Variants in CNTNAP2 observed in about 807,000 individuals in gnomAD.
CNTNAP2 encodes contactin-associated protein-like 2.
A neutral mutation model predicts 155.2 loss-of-function variants in CNTNAP2; 98 were observed. The observed-to-expected ratio is 0.63, with a 90% CI of 0.54 to 0.75. The LOEUF is 0.75. CNTNAP2 is among the 30% of genes least tolerant of loss of function. The pLI, the probability that CNTNAP2 is intolerant of heterozygous loss-of-function variation, is 0.00. For synonymous variants in CNTNAP2, 651 were observed against 631.2 expected (o/e 1.03, Z -0.47); for missense variants, 1,727 against 1,688.1 (o/e 1.02, Z -0.40).
chr7:147,800,838 A>G (rs917022071), intron 13 of CNTNAP2, among the ~76,000 whole-genome samples: 1 of 152,196 alleles, frequency 6.6e-6, no homozygotes, highest in African/African-American at 2.4e-5. Flanking sequence ...GTTTAGATAT[A>G]CACATAGTTA....
At chr7:148,402,438 G>A (rs1360621529) in intron 22 of CNTNAP2, among the ~76,000 whole-genome samples, 1 of 152,164 alleles carries the variant, frequency 6.6e-6, no homozygotes, top group African/African-American at 2.4e-5. Context: ...TAGAGAAATC[G>A]CTCCCTCCCA....
At chr7:147,217,906 A>C (rs189824130) in intron 8 of CNTNAP2, among the ~76,000 whole-genome samples, 1 of 152,058 alleles carries the variant, frequency 6.6e-6, no homozygotes, top group Non-Finnish European at 1.5e-5. Context: ...GGTTAATTTC[A>C]TCTAGGTTAT....
chr7:146,320,029 T>C (rs917148302), intron 1 of CNTNAP2, among the ~76,000 whole-genome samples: 3 of 151,032 alleles, frequency 2.0e-5, no homozygotes, highest in Non-Finnish European at 4.4e-5. Flanking sequence ...CAAAAATAAT[T>C]AAAACTCCAT....
intron 8 of CNTNAP2, among the ~76,000 whole-genome samples, chr7:147,266,503 C>T (rs1280953759): frequency 6.6e-6 from 1 of 152,196 alleles, no homozygotes; most frequent in East Asian, 1.9e-4. Context: ...GCTTCTGGTG[C>T]TCTGAGTATC....
rs184807455 is a variant in CNTNAP2 at position 146,559,438 on chromosome 7, T to C, written c.98-214833T>C. On this transcript the variant is annotated intron_variant, in intron 1 of 23. Coordinates refer to ENST00000361727, the MANE Select transcript of CNTNAP2 (RefSeq NM_014141.6). ...TAAAAATTAACTGGGTGTGTTGGCG[T>C]GTGGCTGTAGTCCCAGCTACTCGGG... 2.0e-5 allele frequency among the ~76,000 whole-genome samples: 3 copies of C among 151,976 alleles called. No individual in the cohort carries two copies. The East Asian group carries it at 5.8e-4, about 30-fold the overall frequency.
intron 8 of CNTNAP2, among the ~76,000 whole-genome samples, chr7:147,162,974 C>T (rs989753601): frequency 1.3e-5 from 2 of 152,130 alleles, no homozygotes; most frequent in African/African-American, 4.8e-5. Flanking sequence ...AGCAGCTTCT[C>T]CAGGAGTGCT....
At chr7:147,015,013 T>A (rs901782085) in intron 3 of CNTNAP2, among the ~76,000 whole-genome samples, 5 of 152,032 alleles carry the variant, frequency 3.3e-5, no homozygotes, top group Non-Finnish European at 5.9e-5. Context: ...GCTAAGGAAT[T>A]AATTTCTTAA....
intron 2 of CNTNAP2, among the ~76,000 whole-genome samples, chr7:146,779,778 AGGTTGTGGT>A (rs1343352756): frequency 1.3e-5 from 2 of 152,160 alleles, no homozygotes. Flanking sequence ...AGAGGGCAGA[AGGTTGTGGT>A]GGTGATGTTG....
chr7:147,651,746 C>T (rs936403079), intron 13 of CNTNAP2, among the ~76,000 whole-genome samples: 4 of 152,180 alleles, frequency 2.6e-5, no homozygotes, highest in Non-Finnish European at 5.9e-5. Context: ...GACAAAGACT[C>T]CTTTTCTCTG....
chr7:147,253,091 G>C (rs1255366066), intron 8 of CNTNAP2, among the ~76,000 whole-genome samples: 2 of 152,206 alleles, frequency 1.3e-5, no homozygotes, highest in Non-Finnish European at 2.9e-5. Flanking sequence ...CTCAGTGGGA[G>C]AGAATAACAT....
intron 13 of CNTNAP2, among the ~76,000 whole-genome samples, chr7:147,732,116 C>T (rs1398973131): frequency 2.6e-5 from 4 of 151,792 alleles, no homozygotes; most frequent in Admixed American, 2.6e-4. Flanking sequence ...TATACATGTG[C>T]CATGTTGGTG....
chr7:146,622,901 G>A (rs1359078710), intron 1 of CNTNAP2, among the ~76,000 whole-genome samples: 1 of 149,682 alleles, frequency 6.7e-6, no homozygotes, highest in Non-Finnish European at 1.5e-5. Flanking sequence ...AGGTTGCAGT[G>A]AGCTGAGATC....
chr7:148,159,163 G>A (rs1291305473), intron 17 of CNTNAP2, among the ~76,000 whole-genome samples: 6 of 152,102 alleles, frequency 3.9e-5, no homozygotes, highest in East Asian at 1.9e-4. Context: ...AGGATATTGC[G>A]TGGGTCTCTC....
chr7:147,580,202 A>G (rs1168541225), intron 12 of CNTNAP2, among the ~76,000 whole-genome samples: 1 of 152,108 alleles, frequency 6.6e-6, no homozygotes, highest in African/African-American at 2.4e-5. Context: ...AACAATTACT[A>G]TGTTTTATAT....
rs147791702 is a variant in CNTNAP2 at position 146,344,356 on chromosome 7, A to C, written c.97+227383A>C. 3.5e-3 allele frequency among the ~76,000 whole-genome samples: 526 copies of C among 152,338 alleles called. 3 individuals are homozygous for C. The highest frequency in any genetic ancestry group is 0.012 in the African/African-American group (507 of 41,584). ...TAGAAAACTAAAGGTCATTTAGTGTAAAAAACATAGTTGAAATACAATTAC... is the reference window on the plus strand; with the variant it reads ...TAGAAAACTAAAGGTCATTTAGTGTCAAAAACATAGTTGAAATACAATTAC... On this transcript the variant is annotated intron_variant, in intron 1 of 23. Transcript: ENST00000361727.
At chr7:146,464,447 T>C (rs1796687291) in intron 1 of CNTNAP2, among the ~76,000 whole-genome samples, 1 of 152,132 alleles carries the variant, frequency 6.6e-6, no homozygotes, top group Non-Finnish European at 1.5e-5. Context: ...ACCTCTTATT[T>C]GTTAACTCAT....
At position 146,872,397 on chromosome 7, in the gene CNTNAP2, A is replaced by G. The variant is rs190312316; in HGVS notation, c.402+32493A>G. ...TTTGCCTGTACTTTAACGTAAACCA[A>G]TGCTGCACTTTATGCTTACTATTTT... is the stretch of plus-strand genomic sequence containing the variant. On this transcript the variant is annotated intron_variant, in intron 3 of 23. Transcript: ENST00000361727. 5.3e-5 allele frequency among the ~76,000 whole-genome samples: 8 copies of G among 152,300 alleles called. No individual in the cohort carries two copies. In the East Asian group the frequency reaches 1.2e-3, roughly 22 times the overall value.
At chr7:147,464,422 G>A (rs989998234) in intron 10 of CNTNAP2, among the ~76,000 whole-genome samples, 8 of 144,990 alleles carry the variant, frequency 5.5e-5, no homozygotes, top group Non-Finnish European at 7.4e-5. Flanking sequence ...GGCCAAGATC[G>A]CGCCACTGCA....
intron 3 of CNTNAP2, among the ~76,000 whole-genome samples, chr7:146,954,532 C>G (rs1332324384): frequency 6.6e-6 from 1 of 151,940 alleles, no homozygotes; most frequent in Non-Finnish European, 1.5e-5. Context: ...AATTTGACAG[C>G]AAGATTTCAA....
Sources: gnomAD v4.1 joint callset for allele counts (sites outside exome capture counted in the v4.1 genomes callset) on GRCh38, gnomAD v4.1.1 for gene constraint, MANE v1.5 for transcripts, NCBI Gene and HGNC (gene_info 2026-07-23, HGNC 2026-07-21) for gene names.